TBC1D2: variants seen among roughly 807,000 people sequenced by gnomAD.
TBC1D2 encodes TBC1 domain family member 2A.
TBC1D2 carries 58 observed loss-of-function variants against 91.1 expected under a neutral mutation model. That is an observed-to-expected ratio of 0.64 (90% CI 0.52 to 0.79). The LOEUF (loss-of-function observed/expected upper bound fraction) is 0.79, where lower values mean the gene tolerates loss of function less well. TBC1D2 is among the 30% of genes least tolerant of loss of function. The probability of loss-of-function intolerance (pLI) is 0.00; values close to 1 mark genes in which losing one functional copy is unlikely to be tolerated. For missense variants in TBC1D2, 1,080 were observed against 1,208.3 expected (o/e 0.89, Z 1.57); for synonymous variants, 482 against 511.5 (o/e 0.94, Z 0.78).
At chr9:98,232,015 G>C (rs1283574471) in intron 4 of TBC1D2, among the ~76,000 whole-genome samples, 1 of 152,194 alleles carries the variant, frequency 6.6e-6, no homozygotes, top group East Asian at 1.9e-4. Flanking sequence ...TGATGACTAA[G>C]GGTGCAGGTT....
intron 6 of TBC1D2, among the ~76,000 whole-genome samples, chr9:98,216,888 T>A (rs1371230112): frequency 2.0e-5 from 3 of 152,132 alleles, no homozygotes; most frequent in African/African-American, 7.2e-5. Flanking sequence ...TTTAATTTTT[T>A]AAAAAGGTCT....
intron 6 of TBC1D2, among the ~76,000 whole-genome samples, chr9:98,220,046 T>C (rs1588042973): frequency 6.6e-6 from 1 of 151,364 alleles, no homozygotes; most frequent in Non-Finnish European, 1.5e-5. Flanking sequence ...CCCTGTGGGG[T>C]GGGGAAGCCT....
At chr9:98,212,988 G>A in intron 7 of TBC1D2, 120 bp downstream of exon 7, 1 of 1,073,446 alleles carries the variant, frequency 9.3e-7, no homozygotes, top group South Asian at 1.4e-5. Flanking sequence ...TGCTCACAAG[G>A]GGTCAGTTCA....
chr9:98,243,045 G>A (rs185634173), intron 3 of TBC1D2, among the ~76,000 whole-genome samples: 1 of 151,800 alleles, frequency 6.6e-6, no homozygotes, highest in East Asian at 1.9e-4. Flanking sequence ...CTCCCAAAGT[G>A]TTGCAATTAC....
At chr9:98,240,280 C>T (rs12551379) in intron 3 of TBC1D2, among the ~76,000 whole-genome samples, 10,055 of 151,834 alleles carry the variant, frequency 0.066, 400 homozygotes, top group East Asian at 0.17. Context: ...AAAAATTCAT[C>T]GGTTGAATTA....
chr9:98,217,312 A>G (rs542763934), intron 6 of TBC1D2, among the ~76,000 whole-genome samples: 1 of 152,232 alleles, frequency 6.6e-6, no homozygotes, highest in Non-Finnish European at 1.5e-5. Flanking sequence ...GGAGCCCGGG[A>G]ATTCTCTTTG....
intron 7 of TBC1D2, 93 bp from the exon 8 acceptor site, chr9:98,210,936 T>C: frequency 8.5e-7 from 1 of 1,178,466 alleles, no homozygotes; most frequent in Non-Finnish European, 1.2e-6. Flanking sequence ...GCACAGCCCT[T>C]CCAGCTCTCA....
chr9:98,235,474 A>T, intron 3 of TBC1D2: 1 of 466,124 alleles, frequency 2.1e-6, no homozygotes, highest in Non-Finnish European at 4.2e-6. Flanking sequence ...TTCAGGATAA[A>T]GAAATGTGCT....
At position 98,210,816 on chromosome 9, in the gene TBC1D2, G is replaced by A; in HGVS notation, c.1513C>T (p.Gln505Ter). 1.3e-6 allele frequency: 2 copies of A among 1,552,074 alleles called. No individual in the cohort carries two copies. Among genetic ancestry groups the A allele is most frequent in the Non-Finnish European group, 1.7e-6 (2 of 1,147,158 alleles). The change falls in exon 8 of 13, where the codon CAG (glutamine) becomes TAG (stop). Residue 505 changes from glutamine to a stop codon, truncating the protein, a stop_gained. Coordinates refer to ENST00000465784, the MANE Select transcript of TBC1D2 (RefSeq NM_001267571.2). LOFTEE classifies it high-confidence loss of function. ...KCAYLQARNC[Q>*]VESKYLAGLR... ...CCGGCCAGGTACTTGCTTTCCACCT[G>A]GCAGTTTCTGGCTTGGAGGTAGGCG...
chr9:98,248,114 T>G (rs1008279238), intron 2 of TBC1D2, among the ~76,000 whole-genome samples: 1 of 152,208 alleles, frequency 6.6e-6, no homozygotes, highest in Non-Finnish European at 1.5e-5. Context: ...GTGACACCGT[T>G]ATAGACTCAA....
intron 3 of TBC1D2, among the ~76,000 whole-genome samples, chr9:98,233,961 T>C (rs745548576): frequency 1.3e-5 from 2 of 152,196 alleles, no homozygotes; most frequent in Non-Finnish European, 2.9e-5. Flanking sequence ...GAACCAACTT[T>C]CCCGAAACCT....
intron 5 of TBC1D2, among the ~76,000 whole-genome samples, chr9:98,224,772 C>CA (rs1829190340): frequency 6.6e-6 from 1 of 152,128 alleles, no homozygotes; most frequent in South Asian, 2.1e-4. Flanking sequence ...GATGAAGGGG[C>CA]ATGGGCTTTG....
intron 3 of TBC1D2, among the ~76,000 whole-genome samples, chr9:98,238,663 T>G (rs1421797461): frequency 1.5e-5 from 2 of 137,496 alleles, no homozygotes; most frequent in Non-Finnish European, 3.0e-5. Context: ...CTTTTACCAT[T>G]AAGTATGTTA....
intron 1 of TBC1D2, among the ~76,000 whole-genome samples, chr9:98,252,590 C>T (rs1269230695): frequency 1.3e-5 from 2 of 152,184 alleles, no homozygotes; most frequent in Non-Finnish European, 2.9e-5. Context: ...CTGGATTCTT[C>T]AGGAGGGAGG....
In TBC1D2 at chr9:98,237,691, G is replaced by A. The variant is rs563359890; in HGVS notation, c.648-4142C>T. Among the ~76,000 whole-genome samples the A allele has an allele frequency of 2.9e-3, 434 of 151,344 alleles. 2 individuals carry two copies. The highest frequency in any genetic ancestry group is 5.2e-3 in the Non-Finnish European group (353 of 67,850). On this transcript the variant is annotated intron_variant, in intron 3 of 12. Coordinates refer to ENST00000465784, the MANE Select transcript of TBC1D2 (RefSeq NM_001267571.2). ...CCGGCTAATTTTTTTTGTATTTTTA[G>A]TAGAGACGGGGCAAACTTTTTTTAT...
At chr9:98,202,726 C>T (rs3780450) in intron 10 of TBC1D2, among the ~76,000 whole-genome samples, 94,597 of 152,130 alleles carry the variant, frequency 0.62, 30,033 homozygotes, top group African/African-American at 0.76. Flanking sequence ...TTCCCTCTAT[C>T]GTTTTGAATG....
intron 2 of TBC1D2, among the ~76,000 whole-genome samples, chr9:98,247,695 C>T (rs1049787487): frequency 2.2e-5 from 3 of 136,966 alleles, no homozygotes; most frequent in African/African-American, 8.6e-5. Flanking sequence ...CGCCACTGTA[C>T]TCCAGCCTGG....
At chr9:98,205,774 G>C (rs1406656765) in intron 9 of TBC1D2, among the ~76,000 whole-genome samples, 2 of 151,992 alleles carry the variant, frequency 1.3e-5, no homozygotes, top group Admixed American at 6.6e-5. Flanking sequence ...TGTTGTCCAG[G>C]CTGTCTCAAA....
chr9:98,242,802 C>CCTTT (rs1207368988), intron 3 of TBC1D2, among the ~76,000 whole-genome samples: 2 of 99,844 alleles, frequency 2.0e-5, no homozygotes, highest in African/African-American at 5.6e-5. Flanking sequence ...CACACTGCTG[C>CCTTT]CTTTTTTTTT....
Sources: allele counts gnomAD v4.1 joint callset (sites outside exome capture counted in the v4.1 genomes callset), GRCh38; gene constraint gnomAD v4.1.1; transcripts MANE v1.5; gene names NCBI Gene and HGNC (gene_info 2026-07-23, HGNC 2026-07-21).